ECD: variants seen among roughly 807,000 people sequenced by gnomAD.
ECD encodes the protein ecdysoneless cell cycle regulator.
ECD carries 59 observed loss-of-function variants against 77.2 expected under a neutral mutation model. That is an observed-to-expected ratio of 0.76 (90% CI 0.62 to 0.95). The LOEUF (loss-of-function observed/expected upper bound fraction) is 0.95. ECD is among the 40% of genes least tolerant of loss of function. The pLI, the probability that ECD is intolerant of heterozygous loss-of-function variation, is 0.00. For missense variants in ECD, 704 were observed against 763.4 expected, an observed-to-expected ratio of 0.92 and a Z score of 0.92; for synonymous variants, 233 against 267.4, an observed-to-expected ratio of 0.87 and a Z score of 1.26.
chr10:73,164,011 C>A (rs1379216881), intron 1 of ECD, 61 bp from the exon 2 acceptor site: 3 of 1,410,532 alleles, frequency 2.1e-6, no homozygotes, highest in Non-Finnish European at 3.0e-6. Flanking sequence ...CATCTGAACT[C>A]TTTTAGATGG....
chr10:73,152,024 T>C (rs1843215606), intron 7 of ECD, among the ~76,000 whole-genome samples: 3 of 152,228 alleles, frequency 2.0e-5, no homozygotes, highest in African/African-American at 7.2e-5. Flanking sequence ...TTGTATAGTT[T>C]CAATTTTTAT....
At position 73,152,321 on chromosome 10, in the gene ECD, T is replaced by C. The variant is rs1480798069; in HGVS notation, c.884A>G (p.Tyr295Cys). ...YRLPPPSDPQ[Y>C]RAHELGMKLA... ...TTTCATGCCCAATTCATGGGCTCGG[T>C]ACTGGGGATCAGATGGAGGAGGCAG... The change falls in exon 7 of 14, where the codon TAC becomes TGC. Residue 295 changes from tyrosine (Y) to cysteine (C), a missense_variant. Tyr to Cys is a radical substitution (Grantham distance 194). Transcript: ENST00000372979. 2 of 1,613,878 alleles carry C rather than the reference T, an allele frequency of 1.2e-6. No individual in the cohort carries two copies. The highest frequency in any genetic ancestry group is 1.6e-4 in the Middle Eastern group (1 of 6,062).
At chr10:73,142,339 G>C (rs1232751644) in intron 9 of ECD, among the ~76,000 whole-genome samples, 6 of 151,680 alleles carry the variant, frequency 4.0e-5, no homozygotes, top group Non-Finnish European at 7.4e-5. Flanking sequence ...ACAAAAAAGT[G>C]TATAGGTTTA....
rs35331959 is a variant in ECD at position 73,134,768 on chromosome 10, A to C, written c.1750T>G (p.Ser584Ala). Residue 584 changes from serine to alanine, a missense_variant, in exon 14 of 14, where the codon TCT becomes GCT. Ser to Ala is a moderately conservative substitution (Grantham distance 99, BLOSUM62 1). This residue lies in a region of ECD where 142 missense variants were observed against 163.6 expected (regional missense o/e 0.87). Coordinates refer to ENST00000372979, the MANE Select transcript of ECD (RefSeq NM_007265.3). ...GCCATAACAGATTCTCCCGTACCAG[A>C]ATCTTCCTCATCTGAATTGTTATCG... is the stretch of plus-strand genomic sequence containing the variant. ...TTDNNSDEED[S>A]GTGESVMAPV... is the part of the protein sequence containing the mutation. The C allele has an allele frequency of 0.012, 19,576 of 1,614,168 alleles. 163 individuals are homozygous for C. The highest frequency in any genetic ancestry group is 0.015 in the Non-Finnish European group (17,650 of 1,180,008).
At position 73,134,491 on chromosome 10, in the gene ECD, C is replaced by T; in HGVS notation, c.*92G>A. On this transcript the variant is annotated 3_prime_UTR_variant, in exon 14 of 14. Coordinates refer to ENST00000372979, the MANE Select transcript of ECD (RefSeq NM_007265.3). ...ATCTGTAAAACTTGTAATGAAGAAACATTTTTACTAAATGAGTAATCTAAA... is the reference window on the plus strand; with the variant it reads ...ATCTGTAAAACTTGTAATGAAGAAATATTTTTACTAAATGAGTAATCTAAA... 2 of 1,242,014 alleles carry T rather than the reference C, an allele frequency of 1.6e-6. No individual in the cohort carries two copies. The highest frequency in any genetic ancestry group is 3.1e-5 in the South Asian group (2 of 64,830). 76.9% of individuals were successfully genotyped at this position (1,242,014 alleles called of 1,614,324 possible).
intron 1 of ECD, among the ~76,000 whole-genome samples, chr10:73,167,475 G>C (rs1843497752): frequency 6.6e-6 from 1 of 152,092 alleles, no homozygotes; most frequent in African/African-American, 2.4e-5. Context: ...GGTAAAGAAA[G>C]AAATGGCGGT....
At chr10:73,139,560 CTG>C in intron 10 of ECD, 65 bp from the exon 11 acceptor site, 1 of 1,591,244 alleles carries the variant, frequency 6.3e-7, no homozygotes, top group Non-Finnish European at 8.5e-7. Flanking sequence ...GGAGAGGATC[CTG>C]TGAGACTGAG....
chr10:73,152,566 A>C lies in ECD; in HGVS notation c.784-145T>G, dbSNP rs1010409336. The C allele has an allele frequency of 2.5e-5, 23 of 932,210 alleles. No individual in the cohort carries two copies. In the Admixed American group the frequency reaches 3.6e-4, roughly 14 times the overall value. 57.7% of individuals were successfully genotyped at this position (932,210 alleles called of 1,614,324 possible). A position where few individuals can be genotyped will look rare whatever the true frequency, so the allele number is the denominator to read the frequency against. On this transcript the variant is annotated intron_variant, in intron 6 of 13. Coordinates refer to ENST00000372979, the MANE Select transcript of ECD (RefSeq NM_007265.3). ...AGAAGATTCAACCTATTCATTGCCTACTTGTTTTTAGTAACAGCTTTATTG... is the reference window on the plus strand; with the variant it reads ...AGAAGATTCAACCTATTCATTGCCTCCTTGTTTTTAGTAACAGCTTTATTG...
chr10:73,150,968 C>T (rs1308878885), intron 7 of ECD, among the ~76,000 whole-genome samples: 8 of 152,144 alleles, frequency 5.3e-5, no homozygotes, highest in South Asian at 4.1e-4. Flanking sequence ...GTCAGTGTGG[C>T]GATTCCTCAG....
intron 7 of ECD, among the ~76,000 whole-genome samples, chr10:73,150,202 C>G (rs1843184706): frequency 6.6e-6 from 1 of 152,002 alleles, no homozygotes; most frequent in African/African-American, 2.4e-5. Context: ...CAGAACAGAG[C>G]CCTCAGAAAT....
chr10:73,152,804 C>T (rs542273698), intron 6 of ECD, among the ~76,000 whole-genome samples: 47 of 151,876 alleles, frequency 3.1e-4, no homozygotes, highest in African/African-American at 1.1e-3. Flanking sequence ...CCCAGCTACT[C>T]GGGAGGCTGA....
intron 9 of ECD, among the ~76,000 whole-genome samples, chr10:73,143,717 A>G (rs1259419940): frequency 6.6e-6 from 1 of 151,758 alleles, no homozygotes; most frequent in African/African-American, 2.4e-5. Flanking sequence ...TTAAATGTAT[A>G]ATTAAGTTAT....
chr10:73,160,636 A>G, intron 2 of ECD, 85 bp from the exon 3 acceptor site: 1 of 959,332 alleles, frequency 1.0e-6, no homozygotes, highest in Non-Finnish European at 1.6e-6. Context: ...CTGAATACAC[A>G]TTCATTGACT....
At chr10:73,164,837 AGT>A (rs1843430940) in intron 1 of ECD, among the ~76,000 whole-genome samples, 1 of 152,244 alleles carries the variant, frequency 6.6e-6, no homozygotes, top group African/African-American at 2.4e-5. Context: ...GATATAATAC[AGT>A]GAATAGAAAT....
intron 9 of ECD, among the ~76,000 whole-genome samples, chr10:73,145,757 G>A (rs1383144184): frequency 6.9e-6 from 1 of 145,402 alleles, no homozygotes; most frequent in Non-Finnish European, 1.5e-5. Flanking sequence ...CGATTCTCCT[G>A]CCTCAGCCTC....
intron 3 of ECD, among the ~76,000 whole-genome samples, chr10:73,157,439 C>T (rs1014089080): frequency 1.3e-5 from 2 of 151,830 alleles, no homozygotes; most frequent in African/African-American, 2.4e-5. Flanking sequence ...AGTTACATGG[C>T]CAGGTGCAGT....
At chr10:73,139,802 A>T (rs2133249089) in intron 9 of ECD, 65 bp from the exon 10 acceptor site, 1 of 1,151,738 alleles carries the variant, frequency 8.7e-7, no homozygotes, top group Middle Eastern at 2.1e-4. Flanking sequence ...TCATAAATAC[A>T]TAGTATTTTA....
rs747595527 is a variant in ECD, at chr10:73,156,451, T to A, written c.414A>T (p.Val138=). Residue 138 remains valine (V), a splice_region_variant and synonymous_variant, in exon 5 of 14, where the codon GTA becomes GTT. Coordinates refer to ENST00000372979, the MANE Select transcript of ECD (RefSeq NM_007265.3). ...TACACAATTCCCCATGGCAGAAAAA[T>A]ACCTGCAAACGGTACATTTCAATTT... The part of the protein sequence containing the change: ...WLDPENSTNR[V]FFCHGELCII... The A allele has an allele frequency of 1.3e-5, 21 of 1,608,482 alleles. No homozygotes were observed. Among genetic ancestry groups the A allele is most frequent in the Non-Finnish European group, 8.5e-7 (1 of 1,177,718 alleles).
chr10:73,153,550 AACAT>A (rs1843245568), intron 6 of ECD, among the ~76,000 whole-genome samples: 1 of 151,550 alleles, frequency 6.6e-6, no homozygotes, highest in African/African-American at 2.4e-5. Flanking sequence ...CAGTCTGGCC[AACAT>A]GGCGAAACAC....
Sources: allele counts gnomAD v4.1 joint callset (sites outside exome capture counted in the v4.1 genomes callset), GRCh38; gene constraint gnomAD v4.1.1; regional missense constraint gnomAD v4.1.1; transcripts MANE v1.5; gene names NCBI Gene and HGNC (gene_info 2026-07-23, HGNC 2026-07-21).